The following PRKN variants were observed in gnomAD, a reference collection of about 807,000 sequenced individuals.
The protein encoded by PRKN is E3 ubiquitin-protein ligase parkin.
PRKN carries 56 observed loss-of-function variants against 59.5 expected under a neutral mutation model. That is an observed-to-expected ratio of 0.94 (90% CI 0.76 to 1.18). The LOEUF (loss-of-function observed/expected upper bound fraction) is 1.18, where lower values mean the gene tolerates loss of function less well. PRKN is among the 50% of genes most tolerant of loss of function. The probability of loss-of-function intolerance (pLI) is 0.00; values close to 1 mark genes in which losing one functional copy is unlikely to be tolerated. For synonymous variants in PRKN, 250 were observed against 222.1 expected (o/e 1.13, Z -1.12); for missense variants, 657 against 596.4 (o/e 1.10, Z -1.06).
chr6:162,522,814 T>C (rs1778129393), intron 1 of PRKN, among the ~76,000 whole-genome samples: 1 of 145,256 alleles, frequency 6.9e-6, no homozygotes, highest in African/African-American at 2.5e-5. Context: ...AAAAAAAAAA[T>C]CAATGTTTAC....
chr6:162,043,006 G>A (rs536123772), intron 5 of PRKN, among the ~76,000 whole-genome samples: 1 of 152,282 alleles, frequency 6.6e-6, no homozygotes, highest in Non-Finnish European at 1.5e-5. Context: ...TGGACTTACA[G>A]TTCCACATGA....
chr6:161,534,647 A>G (rs1238781145), intron 9 of PRKN, among the ~76,000 whole-genome samples: 1 of 152,246 alleles, frequency 6.6e-6, no homozygotes, highest in African/African-American at 2.4e-5. Context: ...TCGCATAGAC[A>G]TGTCTTGTCT....
chr6:162,506,718 T>C (rs2023002), intron 1 of PRKN, among the ~76,000 whole-genome samples: 47,314 of 151,692 alleles, frequency 0.31, 7,932 homozygotes, highest in Middle Eastern at 0.38. Context: ...GAGATATCAA[T>C]ACAGTGGGAA....
In PRKN at chr6:162,262,782, TAAAAAAAAA is replaced by T; in HGVS notation, c.172-26_172-18del. On this transcript the variant is annotated intron_variant, in intron 2 of 11. Coordinates refer to ENST00000366898, the MANE Select transcript of PRKN (RefSeq NM_004562.3). ...GTCACAATTCTGTTTGGGAGCAAGG[TAAAAAAAAA>T]AAAAAAAAAAAAGGAAATGTCAAAC... 3.7e-6 allele frequency: 5 copies of T among 1,360,296 alleles called. No individual in the cohort carries two copies. Among genetic ancestry groups the T allele is most frequent in the Admixed American group, 2.9e-5 (1 of 34,498 alleles). The allele number at this position is 1,360,296 out of a possible 1,614,324, so 84.3% of individuals were successfully genotyped here.
chr6:161,772,028 A>G lies in PRKN; in HGVS notation c.871+13744T>C, dbSNP rs141778833. On this transcript the variant is annotated intron_variant, in intron 7 of 11. Transcript: ENST00000366898. ...TCACAGTTACCGAATGTGTGTGTGT[A>G]TGTGTGTGTGTGTTTGTATGTAAGT... is the stretch of plus-strand genomic sequence containing the variant. Among the ~76,000 whole-genome samples the G allele has an allele frequency of 7.6e-3, 1,160 of 151,986 alleles. 9 individuals are homozygous for G. The highest frequency in any genetic ancestry group is 0.051 in the Middle Eastern group (15 of 294).
At chr6:162,425,862 A>G (rs1789214452) in intron 2 of PRKN, among the ~76,000 whole-genome samples, 1 of 152,246 alleles carries the variant, frequency 6.6e-6, no homozygotes, top group Admixed American at 6.5e-5. Context: ...ACCGATACGA[A>G]TGTTCTCATA....
At chr6:162,202,677 T>C (rs185795174) in intron 3 of PRKN, among the ~76,000 whole-genome samples, 34 of 152,300 alleles carry the variant, frequency 2.2e-4, no homozygotes, top group African/African-American at 7.2e-4. Context: ...ATGTTTCACA[T>C]GTAATATACA....
chr6:162,416,749 C>T (rs939762135), intron 2 of PRKN, among the ~76,000 whole-genome samples: 2 of 152,068 alleles, frequency 1.3e-5, no homozygotes, highest in Admixed American at 6.6e-5. Context: ...TGGGGACAGA[C>T]AATATTTTAC....
At chr6:162,121,635 T>C (rs1217169082) in intron 4 of PRKN, among the ~76,000 whole-genome samples, 1 of 152,206 alleles carries the variant, frequency 6.6e-6, no homozygotes, top group African/African-American at 2.4e-5. Flanking sequence ...TCAATGTCTA[T>C]GACAAACAGA....
intron 7 of PRKN, among the ~76,000 whole-genome samples, chr6:161,599,197 G>T (rs117336962): frequency 0.017 from 2,606 of 152,328 alleles, 32 homozygotes; most frequent in Middle Eastern, 0.037. Flanking sequence ...AGTTCCTGTT[G>T]TTTTAAGCCA....
At position 161,410,141 on chromosome 6, in the gene PRKN, G is replaced by C. The variant is rs2115000183; in HGVS notation, c.1084-23264C>G. Among the ~76,000 whole-genome samples, 1 of 152,284 alleles carries C rather than the reference G, an allele frequency of 6.6e-6. No individual in the cohort carries two copies. Among genetic ancestry groups the C allele is most frequent in the South Asian group, 2.1e-4 (1 of 4,824 alleles). ...TGAGTGTCTGCTGCCCTTGAAGAAG[G>C]GGATGGGGAAGGATTGCATAAGTTG... On this transcript the variant is annotated intron_variant, in intron 9 of 11. Coordinates refer to ENST00000366898, the MANE Select transcript of PRKN (RefSeq NM_004562.3). The surrounding 1 kb of genome is among the most constrained non-coding windows in gnomAD (Gnocchi z 5.3).
At chr6:162,718,406 A>C (rs1778806405) in intron 1 of PRKN, among the ~76,000 whole-genome samples, 1 of 152,102 alleles carries the variant, frequency 6.6e-6, no homozygotes, top group South Asian at 2.1e-4. Flanking sequence ...TAGATGTTGA[A>C]TCTCCATTAA....
At chr6:161,670,373 G>A (rs1202109972) in intron 7 of PRKN, among the ~76,000 whole-genome samples, 2 of 152,162 alleles carry the variant, frequency 1.3e-5, no homozygotes, top group African/African-American at 2.4e-5. Flanking sequence ...GGCTCTGAGG[G>A]CAAATCTGTT....
chr6:162,428,499 T>C (rs1311681538), intron 2 of PRKN, among the ~76,000 whole-genome samples: 1 of 152,096 alleles, frequency 6.6e-6, no homozygotes, highest in African/African-American at 2.4e-5. Context: ...TCAAATAAAG[T>C]TTATTTGAAC....
rs200553263 is a variant in PRKN, at chr6:162,469,723, TCAA to T, written c.8-26253_8-26251del. On this transcript the variant is annotated intron_variant, in intron 1 of 11. Coordinates refer to ENST00000366898, the MANE Select transcript of PRKN (RefSeq NM_004562.3). The stretch of plus-strand genomic sequence containing the variant: ...GAATGACACAGTGGACTCTGGGGAC[TCAA>T]CAGGAAAGGATGGGAAGGGGGTGAG... Among the ~76,000 whole-genome samples the T allele has an allele frequency of 3.1e-3, 465 of 152,054 alleles. 1 individual carries two copies. Among genetic ancestry groups the T allele is most frequent in the African/African-American group, 0.01 (429 of 41,514 alleles).
At chr6:162,303,830 A>C (rs1782080118) in intron 2 of PRKN, among the ~76,000 whole-genome samples, 1 of 152,096 alleles carries the variant, frequency 6.6e-6, no homozygotes, top group Admixed American at 6.6e-5. Context: ...GTAAGCTGGA[A>C]ACATGGCGTT....
At chr6:162,116,836 G>A (rs559884852) in intron 4 of PRKN, among the ~76,000 whole-genome samples, 2 of 152,260 alleles carry the variant, frequency 1.3e-5, no homozygotes, top group Admixed American at 1.3e-4. Flanking sequence ...GCTGAAATAT[G>A]GGCAAATGTT....
intron 1 of PRKN, among the ~76,000 whole-genome samples, chr6:162,467,651 A>G (rs189791799): frequency 5.3e-5 from 8 of 152,274 alleles, no homozygotes; most frequent in Non-Finnish European, 1.2e-4. Context: ...AAAGGCAGTC[A>G]GAGGAATCCC....
At chr6:161,740,860 GA>G (rs991205356) in intron 7 of PRKN, among the ~76,000 whole-genome samples, 2 of 152,214 alleles carry the variant, frequency 1.3e-5, no homozygotes, top group Non-Finnish European at 1.5e-5. Flanking sequence ...GTGTGGTGGA[GA>G]AACCACAAGC....
Sources: gnomAD v4.1 joint callset for allele counts (sites outside exome capture counted in the v4.1 genomes callset) on GRCh38, gnomAD v4.1.1 for gene constraint, Gnocchi (gnomAD v3.1) non-coding constraint, MANE v1.5 for transcripts, NCBI Gene and HGNC (gene_info 2026-07-23, HGNC 2026-07-21) for gene names.